Variants in DYNC2H1 observed in about 807,000 individuals in gnomAD.
DYNC2H1 encodes cytoplasmic dynein 2 heavy chain 1.
A neutral mutation model predicts 570.0 loss-of-function variants in DYNC2H1; 410 were observed. The observed-to-expected ratio is 0.72, with a 90% confidence interval of 0.66 to 0.78. The LOEUF is 0.78. DYNC2H1 is among the 30% of genes least tolerant of loss of function. The pLI is 0.00. For missense variants in DYNC2H1, 4,865 were observed against 5,046.4 expected, an observed-to-expected ratio of 0.96 and a Z score of 1.09; for synonymous variants, 1,688 against 1,677.6, an observed-to-expected ratio of 1.01 and a Z score of -0.15.
Position 103,163,019 on chromosome 11 carries a change from C to A in DYNC2H1, c.4492-9C>A. ...TCTTGTTTATATTATTTTCCAATTT[C>A]TTTTTCAGACATGGTTGAATGATTT... is the stretch of plus-strand genomic sequence containing the variant. On this transcript the variant is annotated splice_polypyrimidine_tract_variant and intron_variant, in intron 29 of 88. Coordinates refer to ENST00000375735, the MANE Select transcript of DYNC2H1 (RefSeq NM_001377.3). The surrounding 1 kb of genome is among the most constrained non-coding windows in gnomAD (Gnocchi z 4.6). The A allele has an allele frequency of 6.2e-7, 1 of 1,600,028 alleles. No homozygotes were observed. Among genetic ancestry groups the A allele is most frequent in the Non-Finnish European group, 8.5e-7 (1 of 1,172,410 alleles).
At chr11:103,236,615 T>G in intron 63 of DYNC2H1, 76 bp downstream of exon 63, 1 of 762,192 alleles carries the variant, frequency 1.3e-6, no homozygotes, top group Admixed American at 2.7e-5. Context: ...GTTCTTCGTA[T>G]TCTTAGTCTT....
At chr11:103,283,850 G>T (rs773955798) in intron 73 of DYNC2H1, among the ~76,000 whole-genome samples, 5 of 151,918 alleles carry the variant, frequency 3.3e-5, no homozygotes, top group African/African-American at 7.3e-5. Flanking sequence ...TGAAAAAAAG[G>T]GGGGGGAATT....
intron 9 of DYNC2H1, 112 bp from the exon 10 acceptor site, chr11:103,121,260 C>T: frequency 8.0e-7 from 1 of 1,257,720 alleles, no homozygotes; most frequent in Non-Finnish European, 1.1e-6. Flanking sequence ...GGATAAGGAC[C>T]AACTCATTAT....
intron 84 of DYNC2H1, 78 bp from the exon 85 acceptor site, chr11:103,435,865 C>G: frequency 6.9e-7 from 1 of 1,441,952 alleles, no homozygotes; most frequent in African/African-American, 1.4e-5. Flanking sequence ...AAATTTTTCT[C>G]CATCACACTA....
intron 84 of DYNC2H1, among the ~76,000 whole-genome samples, chr11:103,425,728 CTT>C (rs1943646702): frequency 9.8e-6 from 1 of 101,696 alleles, no homozygotes; most frequent in African/African-American, 4.7e-5. Flanking sequence ...AATTTTAAGA[CTT>C]GGCTCTCACT....
intron 87 of DYNC2H1, among the ~76,000 whole-genome samples, chr11:103,460,405 T>C (rs1434104923): frequency 6.7e-6 from 1 of 150,038 alleles, no homozygotes; most frequent in Admixed American, 6.7e-5. Flanking sequence ...TTGACCGTTC[T>C]TTCAAAATGG....
At position 103,121,024 on chromosome 11, in the gene DYNC2H1, G is replaced by C; in HGVS notation, c.1348G>C (p.Asp450His). The C allele has an allele frequency of 6.4e-7, 1 of 1,569,310 alleles. No individual in the cohort carries two copies. Residue 450 changes from aspartate (D) to histidine (H), a missense_variant, in exon 9 of 89, where the codon GAC (aspartate) becomes CAC (histidine). Coordinates refer to ENST00000375735, the MANE Select transcript of DYNC2H1 (RefSeq NM_001377.3). ...AGAAACTTTACTGGCAAGACTTGTG[G>C]ACTCAATTAAAGGTAAAAGTTTATG... Reference protein sequence around the residue: ...ERETLLARLVDSIKDFRLDFE... With the variant: ...ERETLLARLVHSIKDFRLDFE...
In DYNC2H1 at chr11:103,369,427, G is replaced by C. The variant is rs895511986; in HGVS notation, c.12156+11068G>C. On this transcript the variant is annotated intron_variant, in intron 83 of 88. Coordinates refer to ENST00000375735, the MANE Select transcript of DYNC2H1 (RefSeq NM_001377.3). This position sits in a 1 kb window ranked among gnomAD's most constrained non-coding sequence, Gnocchi z 4.0. ...CTATGTGAGTAATGCTGCTGAACTA[G>C]GCCCAGAGACAGTGAACTGGAAGGG... Among the ~76,000 whole-genome samples the C allele has an allele frequency of 6.6e-6, 1 of 152,094 alleles. No homozygotes were observed. Among genetic ancestry groups the C allele is most frequent in the Non-Finnish European group, 1.5e-5 (1 of 68,026 alleles).
rs140380392 is a variant in DYNC2H1, at chr11:103,239,642, AGTGTGTGTGTGT to A, written c.9819+3128_9819+3139del. 3.6e-5 allele frequency among the ~76,000 whole-genome samples: 5 copies of A among 140,014 alleles called. No homozygotes were observed. The highest frequency in any genetic ancestry group is 6.3e-5 in the Non-Finnish European group (4 of 63,722). 91.9% of individuals were successfully genotyped at this position (140,014 alleles called of 152,430 possible). ...CTCCTGTCTATACACTTCTCATAGG[AGTGTGTGTGTGT>A]GTGTGTGTGTGTGTGTGTGTGTGTA... On this transcript the variant is annotated intron_variant, in intron 63 of 88. Transcript: ENST00000375735. This position sits in a 1 kb window ranked among gnomAD's most constrained non-coding sequence, Gnocchi z 4.3.
chr11:103,120,418 A>C (rs928684124), intron 6 of DYNC2H1, 29 bp from the exon 7 acceptor site: 7 of 1,547,600 alleles, frequency 4.5e-6, no homozygotes, highest in Non-Finnish European at 6.1e-6. Context: ...GATTTAAATA[A>C]ATTCTGTTGT....
chr11:103,116,554 A>G lies in DYNC2H1; in HGVS notation c.622-16A>G. 2 of 1,563,372 alleles carry G rather than the reference A, an allele frequency of 1.3e-6. No individual in the cohort carries two copies. The highest frequency in any genetic ancestry group is 1.7e-6 in the Non-Finnish European group (2 of 1,154,132). On this transcript the variant is annotated splice_polypyrimidine_tract_variant and intron_variant, in intron 4 of 88. Coordinates refer to ENST00000375735, the MANE Select transcript of DYNC2H1 (RefSeq NM_001377.3). ...CAAATATAATTATGTTTAAAAATTA[A>G]TGCATTTTTTTCTAGGAGTTTTATA...
At chr11:103,349,649 G>A (rs567909173) in intron 82 of DYNC2H1, among the ~76,000 whole-genome samples, 17 of 152,256 alleles carry the variant, frequency 1.1e-4, no homozygotes, top group African/African-American at 4.1e-4. Context: ...CACTGTGTGA[G>A]TATGAATTTA....
In DYNC2H1 at chr11:103,329,540, G is replaced by A. The variant is rs192567226; in HGVS notation, c.12039+5550G>A. On this transcript the variant is annotated intron_variant, in intron 82 of 88. Transcript: ENST00000375735. ...AGAACCTCTGTCTCTGCCAATAAAA[G>A]TTAAAGGCAAAATGTAAGTAATCTA... 1.2e-4 allele frequency among the ~76,000 whole-genome samples: 19 copies of A among 152,246 alleles called. No individual in the cohort carries two copies. In the East Asian group the frequency reaches 3.1e-3, roughly 25 times the overall value.
rs115046044 is a variant in DYNC2H1 at position 103,432,419 on chromosome 11, G to A, written c.12367-3524G>A. 9.2e-3 allele frequency among the ~76,000 whole-genome samples: 1,404 copies of A among 152,182 alleles called. 16 individuals are homozygous for A. Among genetic ancestry groups the A allele is most frequent in the African/African-American group, 0.032 (1,331 of 41,520 alleles). On this transcript the variant is annotated intron_variant, in intron 84 of 88. Coordinates refer to ENST00000375735, the MANE Select transcript of DYNC2H1 (RefSeq NM_001377.3). ...TCTCAGCTGGTTGTTGTCAACTTCCGATAACTGGCCACTATGTCCTCATCT... is the reference window on the plus strand; with the variant it reads ...TCTCAGCTGGTTGTTGTCAACTTCCAATAACTGGCCACTATGTCCTCATCT...
chr11:103,422,788 G>C (rs1943532278), intron 84 of DYNC2H1, among the ~76,000 whole-genome samples: 1 of 152,142 alleles, frequency 6.6e-6, no homozygotes, highest in South Asian at 2.1e-4. Context: ...AGACAAGGAT[G>C]CCCTCCCTCA....
chr11:103,331,190 A>G (rs1181171705), intron 82 of DYNC2H1, among the ~76,000 whole-genome samples: 21 of 152,254 alleles, frequency 1.4e-4, no homozygotes, highest in Admixed American at 1.4e-3. Flanking sequence ...TAGTTAATAA[A>G]TAGTTAAAAA....
chr11:103,120,312 T>C (rs1591268319), intron 6 of DYNC2H1, 135 bp from the exon 7 acceptor site: 9 of 767,008 alleles, frequency 1.2e-5, no homozygotes, highest in Non-Finnish European at 1.8e-5. Context: ...GACTAGAGTT[T>C]CAGTTTTATT....
intron 82 of DYNC2H1, among the ~76,000 whole-genome samples, chr11:103,349,917 G>A (rs1939960557): frequency 6.6e-6 from 1 of 152,062 alleles, no homozygotes; most frequent in Non-Finnish European, 1.5e-5. Flanking sequence ...TTAGAGACAT[G>A]AGAAATACAA....
At chr11:103,310,584 G>A (rs1468466824) in intron 78 of DYNC2H1, among the ~76,000 whole-genome samples, 1 of 151,158 alleles carries the variant, frequency 6.6e-6, no homozygotes, top group East Asian at 1.9e-4. Flanking sequence ...CTTATCTATG[G>A]TGGTTTTTGT....
Sources: gnomAD v4.1 joint callset for allele counts (sites outside exome capture counted in the v4.1 genomes callset) on GRCh38, gnomAD v4.1.1 for gene constraint, Gnocchi (gnomAD v3.1) non-coding constraint, MANE v1.5 for transcripts, NCBI Gene and HGNC (gene_info 2026-07-23, HGNC 2026-07-21) for gene names.